The following NAALADL2 variants were observed in gnomAD, a reference collection of about 807,000 sequenced individuals.
NAALADL2 encodes inactive N-acetylated-alpha-linked acidic dipeptidase-like protein 2.
Under a neutral mutation model 87.2 loss-of-function variants are expected in NAALADL2, and 76 were observed. The observed-to-expected ratio is 0.87, with a 90% confidence interval of 0.72 to 1.05. The LOEUF (loss-of-function observed/expected upper bound fraction) is 1.05, where lower values mean the gene tolerates loss of function less well. NAALADL2 is among the 50% of genes least tolerant of loss of function. NAALADL2 has a pLI of 0.00. For synonymous variants in NAALADL2, 354 were observed against 331.0 expected (o/e 1.07, Z -0.75); for missense variants, 1,089 against 945.8 (o/e 1.15, Z -1.99).
At chr3:175,221,068 G>A (rs959867157) in intron 2 of NAALADL2, among the ~76,000 whole-genome samples, 1 of 151,834 alleles carries the variant, frequency 6.6e-6, no homozygotes, top group East Asian at 1.9e-4. Flanking sequence ...CCATGATGGC[G>A]AGTGCCTGTA....
chr3:175,533,870 A>G (rs1469759974), intron 9 of NAALADL2, among the ~76,000 whole-genome samples: 1 of 152,070 alleles, frequency 6.6e-6, no homozygotes, highest in Admixed American at 6.6e-5. Context: ...TCCTGAGTTC[A>G]TCATTTTCTT....
At chr3:175,670,512 A>AATTTATATTAAATGTAAAATTAATAT (rs1560949370) in intron 11 of NAALADL2, among the ~76,000 whole-genome samples, 5 of 3,072 alleles carry the variant, frequency 1.6e-3, no homozygotes, top group African/African-American at 2.7e-3. Context: ...ATTTATATTA[A>AATTTATATTAAATGTAAAATTAATAT]ATTTATATTA....
rs796511849 is a variant in NAALADL2 at position 175,365,708 on chromosome 3, A to C, written c.1090+41383A>C. On this transcript the variant is annotated intron_variant, in intron 5 of 13. Coordinates refer to ENST00000454872, the MANE Select transcript of NAALADL2 (RefSeq NM_207015.3). ...CATTTGAAATTGTATGACCTAAAAAAATCTGAGATACATAGGATCCAAGAC... is the reference window on the plus strand; with the variant it reads ...CATTTGAAATTGTATGACCTAAAAACATCTGAGATACATAGGATCCAAGAC... Among the ~76,000 whole-genome samples the C allele has an allele frequency of 2.7e-5, 4 of 147,274 alleles. 1 individual carries two copies. Among genetic ancestry groups the C allele is most frequent in the Non-Finnish European group, 4.5e-5 (3 of 66,428 alleles).
chr3:175,570,135 T>C (rs1717825610), intron 9 of NAALADL2, among the ~76,000 whole-genome samples: 1 of 152,142 alleles, frequency 6.6e-6, no homozygotes, highest in African/African-American at 2.4e-5. Flanking sequence ...AAGCTTATTT[T>C]TGGGGGGTTC....
At chr3:175,518,550 A>G (rs956845927) in intron 9 of NAALADL2, among the ~76,000 whole-genome samples, 2 of 152,228 alleles carry the variant, frequency 1.3e-5, no homozygotes, top group Admixed American at 1.3e-4. Flanking sequence ...CTGGAGGCTG[A>G]GAAGTCCAAG....
intron 11 of NAALADL2, among the ~76,000 whole-genome samples, chr3:175,657,016 T>A (rs948547327): frequency 2.0e-5 from 3 of 152,138 alleles, no homozygotes; most frequent in African/African-American, 7.2e-5. Context: ...AAAATGAGTG[T>A]AAGAAAACGT....
chr3:175,203,959 T>G (rs952449213), intron 2 of NAALADL2, among the ~76,000 whole-genome samples: 1 of 152,090 alleles, frequency 6.6e-6, no homozygotes, highest in Non-Finnish European at 1.5e-5. Context: ...ATTTAAAAAT[T>G]ACCAACAGAA....
intron 2 of NAALADL2, among the ~76,000 whole-genome samples, chr3:174,701,057 T>C (rs561047411): frequency 2.1e-3 from 324 of 151,656 alleles, no homozygotes; most frequent in African/African-American, 7.4e-3. Flanking sequence ...AGTAAAGAAT[T>C]TGGATTATAT....
chr3:175,598,661 T>G (rs1722563947), intron 10 of NAALADL2, among the ~76,000 whole-genome samples: 1 of 152,118 alleles, frequency 6.6e-6, no homozygotes, highest in South Asian at 2.1e-4. Context: ...CTTCAAATGT[T>G]AAAGCACAAC....
At chr3:175,266,792 TA>T (rs1455935639) in intron 4 of NAALADL2, among the ~76,000 whole-genome samples, 12 of 151,838 alleles carry the variant, frequency 7.9e-5, no homozygotes, top group Non-Finnish European at 1.6e-4. Context: ...ATGATTGTCT[TA>T]ATATAACTTC....
At chr3:174,888,976 A>C (rs950298798) in intron 1 of NAALADL2, among the ~76,000 whole-genome samples, 20 of 152,158 alleles carry the variant, frequency 1.3e-4, no homozygotes, top group African/African-American at 4.6e-4. Flanking sequence ...TGTTTCCTAT[A>C]ATATATTAGG....
chr3:175,514,497 A>G (rs1469716327), intron 9 of NAALADL2, among the ~76,000 whole-genome samples: 1 of 152,208 alleles, frequency 6.6e-6, no homozygotes, highest in Non-Finnish European at 1.5e-5. Flanking sequence ...ATTAATCACT[A>G]CAGTGGTATT....
chr3:175,420,025 C>T (rs569900898), intron 5 of NAALADL2, among the ~76,000 whole-genome samples: 2 of 151,936 alleles, frequency 1.3e-5, no homozygotes, highest in African/African-American at 4.8e-5. Flanking sequence ...ACATCGTTGG[C>T]CTCAGTCTTC....
At chr3:174,547,691 T>A (rs1174127678) in intron 1 of NAALADL2, among the ~76,000 whole-genome samples, 2 of 152,290 alleles carry the variant, frequency 1.3e-5, no homozygotes, top group East Asian at 3.9e-4. Context: ...ATCATTTTTC[T>A]ATATATATTT....
intron 5 of NAALADL2, among the ~76,000 whole-genome samples, chr3:175,373,370 G>T (rs983153630): frequency 1.3e-5 from 2 of 152,166 alleles, no homozygotes; most frequent in Admixed American, 6.5e-5. Flanking sequence ...CATTAATAAA[G>T]ATTTATTTTG....
intron 5 of NAALADL2, among the ~76,000 whole-genome samples, chr3:175,420,281 C>T (rs890381651): frequency 3.9e-5 from 6 of 152,008 alleles, no homozygotes; most frequent in African/African-American, 9.7e-5. Context: ...GCACTTTCAT[C>T]GTCTATCTCT....
intron 3 of NAALADL2, among the ~76,000 whole-genome samples, chr3:175,249,211 C>T (rs556992988): frequency 7.9e-5 from 12 of 151,800 alleles, no homozygotes; most frequent in Non-Finnish European, 1.5e-4. Flanking sequence ...TGTTTCTTGG[C>T]ATTATACTTT....
At chr3:175,476,027 G>A (rs1725654609) in intron 9 of NAALADL2, among the ~76,000 whole-genome samples, 1 of 152,162 alleles carries the variant, frequency 6.6e-6, no homozygotes, top group Non-Finnish European at 1.5e-5. Flanking sequence ...CCAGCCAAAT[G>A]TTGTTGTAGT....
chr3:174,916,911 T>A (rs1734493262), intron 1 of NAALADL2, among the ~76,000 whole-genome samples: 1 of 152,214 alleles, frequency 6.6e-6, no homozygotes, highest in African/African-American at 2.4e-5. Context: ...GCAAAATATT[T>A]TCAGAGTGAT....
Sources: gnomAD v4.1 joint callset for allele counts (sites outside exome capture counted in the v4.1 genomes callset) on GRCh38, gnomAD v4.1.1 for gene constraint, MANE v1.5 for transcripts, NCBI Gene and HGNC (gene_info 2026-07-23, HGNC 2026-07-21) for gene names.